The following DNHD1 variants were observed in gnomAD, a reference collection of about 807,000 sequenced individuals.
DNHD1 encodes dynein heavy chain domain-containing protein 1.
In DNHD1, 383 loss-of-function variants were observed where a neutral mutation model predicts 458.1. The ratio of observed to expected loss-of-function variants is 0.84; its 90% CI spans 0.77 to 0.91. The LOEUF is 0.91. DNHD1 is among the 40% of genes least tolerant of loss of function. The pLI is 0.00. For missense variants in DNHD1, 5,336 were observed against 5,866.1 expected, an observed-to-expected ratio of 0.91 and a Z score of 2.95; for synonymous variants, 2,203 against 2,376.9, an observed-to-expected ratio of 0.93 and a Z score of 2.13.
At chr11:6,551,955 G>A (rs1853362693) in intron 24 of DNHD1, among the ~76,000 whole-genome samples, 1 of 147,146 alleles carries the variant, frequency 6.8e-6, no homozygotes, top group South Asian at 2.2e-4. Context: ...AAAAAAAAGG[G>A]GAGCCAGGCA....
In DNHD1 at chr11:6,564,073, C is replaced by A. The variant is rs1210494084; in HGVS notation, c.10233C>A (p.Pro3411=). 1 of 1,551,658 alleles carries A rather than the reference C, an allele frequency of 6.4e-7. No homozygotes were observed. Among genetic ancestry groups the A allele is most frequent in the East Asian group, 2.4e-5 (1 of 40,922 alleles). Residue 3411 remains proline, a synonymous_variant, in exon 31 of 43, where the codon CCC becomes CCA. Transcript: ENST00000254579. ...QAQCGQYHKW[P]MKAALLTPMR... is the part of the protein sequence containing the mutation. The stretch of plus-strand genomic sequence containing the variant: ...AGTGTGGGCAGTATCACAAATGGCC[C>A]ATGAAGGCTGCACTGCTCACGCCTA...
At chr11:6,555,138 A>G (rs1231143098) in intron 24 of DNHD1, among the ~76,000 whole-genome samples, 1 of 151,672 alleles carries the variant, frequency 6.6e-6, no homozygotes, top group Non-Finnish European at 1.5e-5. Context: ...AATGACCCAC[A>G]CCCTATTCCC....
chr11:6,563,720 A>G lies in DNHD1; in HGVS notation c.9880A>G (p.Ile3294Val). ...QELVFFPKEK[I>V]TDSELIKLHL... ...GCTGGTGTTCTTCCCCAAGGAGAAGATAACAGACTCAGAGCTGATAAAGTT... is the reference window on the plus strand; with the variant it reads ...GCTGGTGTTCTTCCCCAAGGAGAAGGTAACAGACTCAGAGCTGATAAAGTT... Residue 3294 changes from isoleucine (I) to valine (V), a missense_variant, in exon 31 of 43, where the codon ATA (isoleucine) becomes GTA (valine). Ile to Val is a conservative substitution (Grantham distance 29). Around this residue, in one of 4 missense-constraint regions of DNHD1, gnomAD observed 3,932 missense variants for 4,365.6 expected, o/e 0.90. Coordinates refer to ENST00000254579, the MANE Select transcript of DNHD1 (RefSeq NM_144666.3). The G allele has an allele frequency of 6.5e-7, 1 of 1,547,704 alleles. No homozygotes were observed. The highest frequency in any genetic ancestry group is 1.2e-5 in the South Asian group (1 of 83,908).
intron 30 of DNHD1, 21 bp from the exon 31 acceptor site, chr11:6,563,672 C>T (rs369178118): frequency 1.2e-3 from 1,890 of 1,543,252 alleles, no homozygotes; most frequent in Non-Finnish European, 1.6e-3. Flanking sequence ...TTCCCCATCC[C>T]GTTAACATAC....
chr11:6,506,960 G>T (rs1175456451), intron 4 of DNHD1, among the ~76,000 whole-genome samples: 1 of 152,148 alleles, frequency 6.6e-6, no homozygotes, highest in African/African-American at 2.4e-5. Context: ...ATTTGGTGGG[G>T]GTAGATATTG....
At position 6,558,647 on chromosome 11, in the gene DNHD1, G is replaced by A. The variant is rs1245704178; in HGVS notation, c.9165G>A (p.Val3055=). The change falls in exon 26 of 43, where the codon GTG becomes GTA. Residue 3055 remains valine, a synonymous_variant. Transcript: ENST00000254579. ...GGGACCAAGCTGCCCTGGCCAAGGTGGCCCAGCATCACCTGGAGGGTGCTC... is the reference window on the plus strand; with the variant it reads ...GGGACCAAGCTGCCCTGGCCAAGGTAGCCCAGCATCACCTGGAGGGTGCTC... The part of the protein sequence containing the change: ...EPWDQAALAK[V]AQHHLEGAQS... 3 of 1,551,490 alleles carry A rather than the reference G, an allele frequency of 1.9e-6. No homozygotes were observed. Among genetic ancestry groups the A allele is most frequent in the Non-Finnish European group, 2.6e-6 (3 of 1,147,008 alleles).
chr11:6,558,612 T>C lies in DNHD1; in HGVS notation c.9130T>C (p.Tyr3044His). Residue 3044 changes from tyrosine to histidine, a missense_variant, in exon 26 of 43, where the codon TAT becomes CAT. Tyr to His is a moderately conservative substitution (Grantham distance 83, BLOSUM62 2). Transcript: ENST00000254579. ...LQLATASIDRYEPWDQAALAK... is the reference protein window; with the variant it reads ...LQLATASIDRHEPWDQAALAK... ...ACTGGCCACTGCCAGCATTGACCGC[T>C]ATGAACCCTGGGACCAAGCTGCCCT... 1 of 1,551,728 alleles carries C rather than the reference T, an allele frequency of 6.4e-7. No homozygotes were observed. Among genetic ancestry groups the C allele is most frequent in the South Asian group, 1.2e-5 (1 of 84,066 alleles).
chr11:6,556,656 C>T (rs1343631634), intron 24 of DNHD1, 27 bp from the exon 25 acceptor site: 1 of 1,511,156 alleles, frequency 6.6e-7, no homozygotes, highest in Admixed American at 2.1e-5. Flanking sequence ...TTTACATGTC[C>T]TCATTATTAT....
At position 6,570,037 on chromosome 11, in the gene DNHD1, CAGACCCA is replaced by C; in HGVS notation, c.12898_12904del (p.Gln4300SerfsTer35). 3 of 1,613,944 alleles carry C rather than the reference CAGACCCA, an allele frequency of 1.9e-6. No individual in the cohort carries two copies. Among genetic ancestry groups the C allele is most frequent in the Non-Finnish European group, 2.5e-6 (3 of 1,179,862 alleles). ...TCAAGTGACTCTAACCCAGGTTCTT[CAGACCCA>C]AGACCAGCTGTGGGCAAGTCTTAGC... On this transcript the variant is annotated frameshift_variant, in exon 40 of 43. Transcript: ENST00000254579. LOFTEE classifies it high-confidence loss of function.
At chr11:6,560,540 A>G (rs1469702881) in intron 28 of DNHD1, among the ~76,000 whole-genome samples, 1 of 152,192 alleles carries the variant, frequency 6.6e-6, no homozygotes, top group Non-Finnish European at 1.5e-5. Context: ...CATTTTCCCA[A>G]GATGATTAAT....
chr11:6,557,792 A>T lies in DNHD1; in HGVS notation c.8497A>T (p.Thr2833Ser). The T allele has an allele frequency of 6.4e-6, 10 of 1,551,328 alleles. No individual in the cohort carries two copies. Among genetic ancestry groups the T allele is most frequent in the Non-Finnish European group, 7.8e-6 (9 of 1,146,954 alleles). ...QELILGPNSE[T>S]PNLYLERQWE... is the part of the protein sequence containing the mutation. The stretch of plus-strand genomic sequence containing the variant: ...GCTGATACTGGGGCCTAACTCTGAG[A>T]CCCCCAACTTGTACCTGGAACGACA... Residue 2833 changes from threonine (T) to serine (S), a missense_variant, in exon 25 of 43, where the codon ACC (threonine) becomes TCC (serine). This residue lies in a region of DNHD1 where 3,932 missense variants were observed against 4,365.6 expected (regional missense o/e 0.90). Coordinates refer to ENST00000254579, the MANE Select transcript of DNHD1 (RefSeq NM_144666.3).
Position 6,557,002 on chromosome 11 carries a change from G to A in DNHD1, c.7707G>A (p.Glu2569=), listed in dbSNP as rs371780047. The change falls in exon 25 of 43, where the codon GAG becomes GAA. Residue 2569 remains glutamate, a synonymous_variant. Transcript: ENST00000254579. The part of the protein sequence containing the change: ...LARGLVRASV[E]AWEAVCNCFM... The stretch of plus-strand genomic sequence containing the variant: ...GAGGTCTGGTTAGGGCCTCAGTAGA[G>A]GCCTGGGAGGCTGTGTGCAATTGCT... 3.2e-6 allele frequency: 5 copies of A among 1,551,714 alleles called. No homozygotes were observed. Among genetic ancestry groups the A allele is most frequent in the African/African-American group, 2.7e-5 (2 of 73,186 alleles).
rs190557156 is a variant in DNHD1 at position 6,543,343 on chromosome 11, A to G, written c.3629-778A>G. On this transcript the variant is annotated intron_variant, in intron 18 of 42. Transcript: ENST00000254579. ...AAGGGATAACTCTTTAAGCAGCACC[A>G]GGGAGCCAAGCACTAAGACTATGAG... Among the ~76,000 whole-genome samples the G allele has an allele frequency of 1.7e-3, 263 of 152,336 alleles. 4 individuals carry two copies. Among genetic ancestry groups the G allele is most frequent in the Admixed American group, 0.015 (233 of 15,302 alleles).
rs1194035857 is a variant in DNHD1 at position 6,540,073 on chromosome 11, C to T, written c.3618C>T (p.Phe1206=). The change falls in exon 18 of 43, where the codon TTC becomes TTT. Residue 1206 remains phenylalanine (F), a synonymous_variant. Coordinates refer to ENST00000254579, the MANE Select transcript of DNHD1 (RefSeq NM_144666.3). The stretch of plus-strand genomic sequence containing the variant: ...TAGTGGACAAAGATAGTGGCACCTT[C>T]ATCCTCTCAGGTGAGACCCAGACCT... ...WEVVDKDSGT[F]ILSDYSNLQD... 1 of 1,551,696 alleles carries T rather than the reference C, an allele frequency of 6.4e-7. No individual in the cohort carries two copies. The highest frequency in any genetic ancestry group is 8.7e-7 in the Non-Finnish European group (1 of 1,146,944).
intron 10 of DNHD1, chr11:6,520,645 TTGTTTGAA>T: frequency 9.0e-7 from 1 of 1,106,650 alleles, no homozygotes; most frequent in Non-Finnish European, 1.1e-6. Context: ...AAATTTGTAC[TTGTTTGAA>T]GAGCTCTGCT....
rs773264422 is a variant in DNHD1, at chr11:6,498,887, G to A, written c.672G>A (p.Ala224=). 1.4e-5 allele frequency: 22 copies of A among 1,614,108 alleles called. No individual in the cohort carries two copies. Among genetic ancestry groups the A allele is most frequent in the African/African-American group, 5.3e-5 (4 of 74,936 alleles). ...GLSLLPLALA[A]DIPVRYESSD... ...GTCTCCTTCCCTTGGCACTGGCAGCGGACATCCCTGTACGGTATGAAAGCA... is the reference window on the plus strand; with the variant it reads ...GTCTCCTTCCCTTGGCACTGGCAGCAGACATCCCTGTACGGTATGAAAGCA... The change falls in exon 3 of 43, where the codon GCG becomes GCA. Residue 224 remains alanine (A), a synonymous_variant. Transcript: ENST00000254579.
rs899451599 is a variant in DNHD1, at chr11:6,497,846, T to G, written c.-370T>G. 2.7e-5 allele frequency: 6 copies of G among 221,226 alleles called. No individual in the cohort carries two copies. Among genetic ancestry groups the G allele is most frequent in the Non-Finnish European group, 5.4e-5 (6 of 111,422 alleles). 13.7% of individuals were successfully genotyped at this position (221,226 alleles called of 1,614,324 possible). On this transcript the variant is annotated 5_prime_UTR_variant, in exon 3 of 43. Transcript: ENST00000254579. The stretch of plus-strand genomic sequence containing the variant: ...TGCCTCCTAACCCCCCTAGGCCAGG[T>G]GAGGGGGACAGGGTACTGGGAGGTA...
chr11:6,507,371 A>C (rs1340640247), intron 4 of DNHD1, among the ~76,000 whole-genome samples: 1 of 152,224 alleles, frequency 6.6e-6, no homozygotes, highest in Admixed American at 6.5e-5. Context: ...CATTAAATGC[A>C]ATACATATGG....
At chr11:6,511,488 A>G (rs1852334984) in intron 7 of DNHD1, 59 bp downstream of exon 7, 1 of 1,586,822 alleles carries the variant, frequency 6.3e-7, no homozygotes, top group African/African-American at 1.4e-5. Flanking sequence ...CCAGAGTTTC[A>G]GCCTCCTCTT....
Sources: allele counts gnomAD v4.1 joint callset (sites outside exome capture counted in the v4.1 genomes callset), GRCh38; gene constraint gnomAD v4.1.1; regional missense constraint gnomAD v4.1.1; transcripts MANE v1.5; gene names NCBI Gene and HGNC (gene_info 2026-07-23, HGNC 2026-07-21).